Variants in FHIP2A observed in about 807,000 individuals in gnomAD.
FHIP2A encodes the protein FHF complex subunit HOOK interacting protein 2A, also known as family with sequence similarity 160 member B1.
In FHIP2A, 46 loss-of-function variants were observed where a neutral mutation model predicts 93.5. That is an observed-to-expected ratio of 0.49 (90% CI 0.39 to 0.63). The LOEUF (loss-of-function observed/expected upper bound fraction) is 0.63. Ranked by LOEUF, FHIP2A falls within the 20% of genes least tolerant of loss-of-function variation. The pLI is 0.00. For missense variants in FHIP2A, 769 were observed against 909.7 expected (o/e 0.85, Z 1.99); for synonymous variants, 332 against 326.5 (o/e 1.02, Z -0.18).
intron 16 of FHIP2A, among the ~76,000 whole-genome samples, chr10:114,897,531 A>G (rs563020857): frequency 6.6e-6 from 1 of 152,346 alleles, no homozygotes; most frequent in South Asian, 2.1e-4. Context: ...TGTATATTAT[A>G]AAAATATTCT....
intron 16 of FHIP2A, among the ~76,000 whole-genome samples, chr10:114,875,704 G>T (rs963202893): frequency 2.2e-5 from 3 of 137,910 alleles, no homozygotes; most frequent in Admixed American, 7.3e-5. Context: ...AAGAAAAAAA[G>T]AAAGAAAGAG....
At position 114,846,317 on chromosome 10, in the gene FHIP2A, C is replaced by T. The variant is rs1469249359; in HGVS notation, c.1348C>T (p.His450Tyr). 1 of 1,614,172 alleles carries T rather than the reference C, an allele frequency of 6.2e-7. No individual in the cohort carries two copies. Among genetic ancestry groups the T allele is most frequent in the East Asian group, 2.2e-5 (1 of 44,884 alleles). ...EPETLAEISR[H>Y]PLRHRLIEHC... ...AGAAACTCTGGCAGAAATCAGCAGA[C>T]ATCCTTTAAGGCATAGGTTAATTGA... The change falls in exon 10 of 17, where the codon CAT (histidine) becomes TAT (tyrosine). Residue 450 changes from histidine to tyrosine, a missense_variant. By Grantham distance (83) the His-to-Tyr change is moderately conservative. Coordinates refer to ENST00000369248, the MANE Select transcript of FHIP2A (RefSeq NM_020940.4).
At chr10:114,823,475 CATTTAATTTT>C (rs1304738868) in intron 1 of FHIP2A, among the ~76,000 whole-genome samples, 1 of 136,954 alleles carries the variant, frequency 7.3e-6, no homozygotes, top group Non-Finnish European at 1.7e-5. Flanking sequence ...TACCAAGAAT[CATTTAATTTT>C]ATTTATTTAT....
intron 16 of FHIP2A, among the ~76,000 whole-genome samples, chr10:114,880,076 A>C (rs1592032541): frequency 6.6e-6 from 1 of 152,210 alleles, no homozygotes; most frequent in Non-Finnish European, 1.5e-5. Flanking sequence ...GTAACCAATT[A>C]GCTCTTGCTC....
intron 16 of FHIP2A, among the ~76,000 whole-genome samples, chr10:114,891,618 T>C (rs1396678903): frequency 1.5e-5 from 2 of 137,484 alleles, no homozygotes; most frequent in Non-Finnish European, 1.7e-5. Flanking sequence ...TGTGTGTATA[T>C]ACATATTTTT....
intron 16 of FHIP2A, among the ~76,000 whole-genome samples, chr10:114,881,600 A>G (rs1227997947): frequency 2.0e-5 from 3 of 152,088 alleles, no homozygotes; most frequent in Non-Finnish European, 4.4e-5. Flanking sequence ...ATTTTAGAGA[A>G]GCCTGCTGGG....
intron 3 of FHIP2A, among the ~76,000 whole-genome samples, chr10:114,833,652 TAAACTC>T (rs2143010144): frequency 6.6e-6 from 1 of 152,064 alleles, no homozygotes; most frequent in South Asian, 2.1e-4. Context: ...TTTATGAAAA[TAAACTC>T]AAGTACGTGA....
At chr10:114,868,558 G>A (rs1000721508), downstream of FHIP2A, among the ~76,000 whole-genome samples, 1 of 151,994 alleles carries the variant, frequency 6.6e-6, no homozygotes, top group Admixed American at 6.6e-5. Flanking sequence ...AAAAAAAAGT[G>A]GGGGGAATAT....
chr10:114,843,663 C>A, intron 6 of FHIP2A, 78 bp from the exon 7 acceptor site: 1 of 1,085,074 alleles, frequency 9.2e-7, no homozygotes, highest in Non-Finnish European at 1.3e-6. Flanking sequence ...AACATTAAAT[C>A]CTTTTATGTT....
chr10:114,852,039 A>G (rs2083740095), intron 13 of FHIP2A, among the ~76,000 whole-genome samples: 1 of 151,462 alleles, frequency 6.6e-6, no homozygotes. Context: ...TTGAGCGTCT[A>G]TCCTGTAACT....
At chr10:114,828,054 C>T (rs146873261) in intron 1 of FHIP2A, among the ~76,000 whole-genome samples, 2 of 151,338 alleles carry the variant, frequency 1.3e-5, no homozygotes, top group East Asian at 3.9e-4. Context: ...AGTGATAAAA[C>T]AGGTAATTTG....
At chr10:114,855,141 A>T (rs1370082515) in intron 13 of FHIP2A, 56 bp from the exon 14 acceptor site, 1 of 1,555,476 alleles carries the variant, frequency 6.4e-7, no homozygotes, top group African/African-American at 1.4e-5. Context: ...AATCATTTCT[A>T]TTTCATCTTA....
chr10:114,856,456 G>C (rs2083767776), intron 14 of FHIP2A, among the ~76,000 whole-genome samples: 1 of 152,104 alleles, frequency 6.6e-6, no homozygotes, highest in South Asian at 2.1e-4. Context: ...GGATGCATCA[G>C]TTTATTGTGG....
chr10:114,861,596 A>C lies in FHIP2A; in HGVS notation c.*56A>C. The C allele has an allele frequency of 6.3e-7, 1 of 1,590,316 alleles. No homozygotes were observed. On this transcript the variant is annotated 3_prime_UTR_variant, in exon 17 of 17. Transcript: ENST00000369248. ...AACTACTGTGTACATTTCACCAAAA[A>C]AGACTCAGTTCCACCCAGCCACAAG...
intron 14 of FHIP2A, among the ~76,000 whole-genome samples, chr10:114,856,073 A>G (rs1245891354): frequency 6.6e-6 from 1 of 152,210 alleles, no homozygotes; most frequent in Non-Finnish European, 1.5e-5. Context: ...ACCAATTTGG[A>G]ATTAATTTTC....
chr10:114,867,709 T>G (rs772434454), downstream of FHIP2A, among the ~76,000 whole-genome samples: 1 of 151,758 alleles, frequency 6.6e-6, no homozygotes, highest in Non-Finnish European at 1.5e-5. Flanking sequence ...CATGGAGAGA[T>G]AGGATGTGTA....
At chr10:114,898,146 C>T (rs762205916) in intron 16 of FHIP2A, among the ~76,000 whole-genome samples, 5 of 152,130 alleles carry the variant, frequency 3.3e-5, no homozygotes, top group Non-Finnish European at 4.4e-5. Flanking sequence ...TTCAACTGAT[C>T]GCTTTTCAGT....
At chr10:114,875,837 G>GAGAA (rs139009293) in intron 16 of FHIP2A, among the ~76,000 whole-genome samples, 31,298 of 115,674 alleles carry the variant, frequency 0.27, 6,563 homozygotes, top group Non-Finnish European at 0.35. Context: ...GAAGGTAAGA[G>GAGAA]AGAAAGAAAG....
intron 7 of FHIP2A, among the ~76,000 whole-genome samples, chr10:114,844,677 G>A (rs2083689634): frequency 6.6e-6 from 1 of 152,140 alleles, no homozygotes; most frequent in African/African-American, 2.4e-5. Context: ...TTCCATCCCA[G>A]CAGCTGAGAA....
Sources: allele counts gnomAD v4.1 joint callset (sites outside exome capture counted in the v4.1 genomes callset), GRCh38; gene constraint gnomAD v4.1.1; transcripts MANE v1.5; gene names NCBI Gene and HGNC (gene_info 2026-07-23, HGNC 2026-07-21).